The following MKNK1 variants were observed in gnomAD, a reference collection of about 807,000 sequenced individuals.
MKNK1 encodes the protein MAP kinase-interacting serine/threonine-protein kinase 1.
MKNK1 carries 30 observed loss-of-function variants against 49.3 expected under a neutral mutation model. The observed-to-expected ratio is 0.61, with a 90% CI of 0.46 to 0.83. The LOEUF (loss-of-function observed/expected upper bound fraction) is 0.83. MKNK1 is among the 40% of genes least tolerant of loss of function. The pLI, the probability that MKNK1 is intolerant of heterozygous loss-of-function variation, is 0.00. For missense variants in MKNK1, 423 were observed against 524.7 expected, an observed-to-expected ratio of 0.81 and a Z score of 1.89; for synonymous variants, 176 against 201.7, an observed-to-expected ratio of 0.87 and a Z score of 1.08.
chr1:46,567,946 C>A (rs1236693337), intron 8 of MKNK1, among the ~76,000 whole-genome samples: 2 of 152,002 alleles, frequency 1.3e-5, no homozygotes, highest in Non-Finnish European at 2.9e-5. Context: ...CATGGTGAAA[C>A]CCCTGTCTCT....
chr1:46,564,044 C>CA (rs1217205121), intron 9 of MKNK1, among the ~76,000 whole-genome samples: 591 of 39,058 alleles, frequency 0.015, 35 homozygotes, highest in African/African-American at 0.059. Context: ...GACTCTGTCT[C>CA]AAAAAAAAAA....
At chr1:46,571,084 A>G (rs1159715197) in intron 7 of MKNK1, among the ~76,000 whole-genome samples, 1 of 152,230 alleles carries the variant, frequency 6.6e-6, no homozygotes, top group Non-Finnish European at 1.5e-5. Flanking sequence ...AGTCAAACAG[A>G]TTTATGGAAA....
intron 10 of MKNK1, 59 bp from the exon 11 acceptor site, chr1:46,561,701 T>C: frequency 6.3e-7 from 1 of 1,577,584 alleles, no homozygotes; most frequent in Non-Finnish European, 8.7e-7. Flanking sequence ...GATGTGCCTG[T>C]CATTGTTTTG....
At chr1:46,597,300 CAAAA>C (rs11312871) in intron 1 of MKNK1, among the ~76,000 whole-genome samples, 5 of 130,694 alleles carry the variant, frequency 3.8e-5, no homozygotes, top group Admixed American at 7.6e-5. Context: ...CGTTTTAGAG[CAAAA>C]AAAAAAAAAA....
intron 2 of MKNK1, among the ~76,000 whole-genome samples, chr1:46,585,249 C>CAA (rs58692301): frequency 4.8e-5 from 3 of 62,120 alleles, no homozygotes; most frequent in East Asian, 5.6e-4. Context: ...GATTCCGTCT[C>CAA]AAAAAAAAAA....
intron 6 of MKNK1, among the ~76,000 whole-genome samples, chr1:46,573,315 A>ATTAAG (rs1414619387): frequency 1.3e-5 from 2 of 152,242 alleles, no homozygotes; most frequent in African/African-American, 4.8e-5. Context: ...AATAAGCTAC[A>ATTAAG]TTAAGTTTAC....
intron 7 of MKNK1, chr1:46,569,102 T>C (rs71638012): frequency 3.3e-5 from 5 of 152,508 alleles, no homozygotes; most frequent in Non-Finnish European, 5.9e-5. Flanking sequence ...TTTTTGTTTT[T>C]TAAAATAGAG....
intron 7 of MKNK1, 70 bp from the exon 8 acceptor site, chr1:46,568,568 AT>A (rs1553197771): frequency 2.1e-6 from 3 of 1,446,746 alleles, no homozygotes; most frequent in Non-Finnish European, 2.9e-6. Context: ...CACACAATTA[AT>A]TTTTTCCAAA....
chr1:46,594,749 C>A (rs954509076), intron 1 of MKNK1: 2 of 307,984 alleles, frequency 6.5e-6, no homozygotes, highest in Non-Finnish European at 1.3e-5. Context: ...AATCTCAGCA[C>A]TTTGGGAGGC....
At chr1:46,560,611 C>T (rs768993387) in intron 11 of MKNK1, among the ~76,000 whole-genome samples, 15 of 152,202 alleles carry the variant, frequency 9.9e-5, no homozygotes, top group South Asian at 2.1e-4. Flanking sequence ...GTCTCAGGCC[C>T]GGGATGGGGA....
intron 8 of MKNK1, among the ~76,000 whole-genome samples, chr1:46,566,071 C>T (rs933371845): frequency 3.9e-5 from 6 of 152,192 alleles, no homozygotes; most frequent in East Asian, 1.9e-4. Flanking sequence ...ACCATCACCA[C>T]GATCTGTTTC....
intron 4 of MKNK1, among the ~76,000 whole-genome samples, chr1:46,577,145 C>G (rs1319754092): frequency 6.6e-6 from 1 of 152,196 alleles, no homozygotes; most frequent in Non-Finnish European, 1.5e-5. Flanking sequence ...TAGGCTCTTC[C>G]TCTTCTGAGA....
intron 8 of MKNK1, 45 bp from the exon 9 acceptor site, chr1:46,565,181 C>T (rs367914013): frequency 4.7e-5 from 74 of 1,578,948 alleles, no homozygotes; most frequent in African/African-American, 1.3e-4. Context: ...TAAGAAACTA[C>T]GGGGCAAGAG....
rs568296534 is a variant in MKNK1, at chr1:46,564,466, G to GTTTTTTTTTTTTTTTTTTTT, written c.609+555_609+574dup. ...GGGCTCAGCCTGTGTTTTTTTTATT[G>GTTTTTTTTTTTTTTTTTTTT]TTTTTTTTTTTTTTTTTTTTTTTTT... is the stretch of plus-strand genomic sequence containing the variant. On this transcript the variant is annotated intron_variant, in intron 9 of 12. Transcript: ENST00000371945. Among the ~76,000 whole-genome samples the GTTTTTTTTTTTTTTTTTTTT allele has an allele frequency of 8.6e-5, 6 of 70,168 alleles. 1 individual carries two copies. The highest frequency in any genetic ancestry group is 2.7e-4 in the African/African-American group (4 of 14,666). The allele number at this position is 70,168 out of a possible 152,430, so 46.0% of individuals were successfully genotyped here.
chr1:46,562,474 C>A (rs991856587), intron 10 of MKNK1, among the ~76,000 whole-genome samples, 175 bp downstream of exon 10: 1 of 149,776 alleles, frequency 6.7e-6, no homozygotes, highest in African/African-American at 2.5e-5. Flanking sequence ...CCCAGCTGGG[C>A]GGAGTGTCTG....
chr1:46,571,039 C>T (rs1274510777), intron 7 of MKNK1, among the ~76,000 whole-genome samples: 2 of 152,086 alleles, frequency 1.3e-5, no homozygotes, highest in African/African-American at 4.8e-5. Context: ...TTCCAGGGTA[C>T]TGCTGTTAGG....
rs979918866 is a variant in MKNK1 at position 46,589,181 on chromosome 1, C to T, written c.-3+4932G>A. Among the ~76,000 whole-genome samples, 1 of 152,256 alleles carries T rather than the reference C, an allele frequency of 6.6e-6. No homozygotes were observed. The highest frequency in any genetic ancestry group is 2.4e-5 in the African/African-American group (1 of 41,466). On this transcript the variant is annotated intron_variant, in intron 2 of 12. Transcript: ENST00000371945. This position sits in a 1 kb window ranked among gnomAD's most constrained non-coding sequence, Gnocchi z 4.3. ...TTAAATCTGCTGCTGACGCTTAAAA[C>T]AATTTCAACATAGTAGGACAAGTGC...
chr1:46,560,523 A>C (rs1166816590), intron 11 of MKNK1, among the ~76,000 whole-genome samples: 1 of 152,100 alleles, frequency 6.6e-6, no homozygotes, highest in Non-Finnish European at 1.5e-5. Flanking sequence ...CAAAGTCCTA[A>C]TCATCCCCCA....
chr1:46,561,757 T>C (rs1668020457), intron 10 of MKNK1, 115 bp from the exon 11 acceptor site: 1 of 1,208,756 alleles, frequency 8.3e-7, no homozygotes, highest in Admixed American at 2.2e-5. Flanking sequence ...AGCTCATGGC[T>C]TGGGGATGCC....
Sources: allele counts gnomAD v4.1 joint callset (sites outside exome capture counted in the v4.1 genomes callset), GRCh38; gene constraint gnomAD v4.1.1; non-coding constraint Gnocchi (gnomAD v3.1); transcripts MANE v1.5; gene names NCBI Gene and HGNC (gene_info 2026-07-23, HGNC 2026-07-21).